SLC12A8: variants seen among roughly 807,000 people sequenced by gnomAD.
SLC12A8 encodes the protein cation-chloride cotransporter 9.
Under a neutral mutation model 75.6 loss-of-function variants are expected in SLC12A8, and 69 were observed. The ratio of observed to expected loss-of-function variants is 0.91; its 90% CI spans 0.75 to 1.11. The LOEUF is 1.11. Ranked by LOEUF, SLC12A8 falls within the 50% of genes most tolerant of loss-of-function variation. The probability of loss-of-function intolerance (pLI) is 0.00; values close to 1 mark genes in which losing one functional copy is unlikely to be tolerated. For synonymous variants in SLC12A8, 365 were observed against 372.8 expected, an observed-to-expected ratio of 0.98 and a Z score of 0.24; for missense variants, 877 against 896.7, an observed-to-expected ratio of 0.98 and a Z score of 0.28.
intron 5 of SLC12A8, among the ~76,000 whole-genome samples, chr3:125,156,952 T>C (rs1190633956): frequency 6.6e-6 from 1 of 152,246 alleles, no homozygotes; most frequent in Non-Finnish European, 1.5e-5. Context: ...AACTTATTTC[T>C]GGTTATTTTG....
intron 5 of SLC12A8, among the ~76,000 whole-genome samples, chr3:125,176,528 T>C (rs1000442586): frequency 6.6e-6 from 1 of 151,732 alleles, no homozygotes; most frequent in Non-Finnish European, 1.5e-5. Flanking sequence ...ACCATCAGAG[T>C]GAACAGGCAA....
chr3:125,174,092 A>G (rs1934469253), intron 5 of SLC12A8, among the ~76,000 whole-genome samples: 1 of 152,180 alleles, frequency 6.6e-6, no homozygotes, highest in Non-Finnish European at 1.5e-5. Flanking sequence ...ACCCTGTCTC[A>G]AAACAGAACA....
chr3:125,208,495 C>T (rs897825306), intron 2 of SLC12A8, among the ~76,000 whole-genome samples: 1 of 152,074 alleles, frequency 6.6e-6, no homozygotes, highest in Non-Finnish European at 1.5e-5. Context: ...GACCAGGAAC[C>T]AAGCACTATA....
intron 5 of SLC12A8, among the ~76,000 whole-genome samples, chr3:125,157,854 T>C (rs558632872): frequency 6.6e-6 from 1 of 152,306 alleles, no homozygotes; most frequent in East Asian, 1.9e-4. Context: ...ATGGTGATTG[T>C]TTGGTTAGGG....
chr3:125,091,666 C>T, intron 11 of SLC12A8, 110 bp from the exon 12 acceptor site: 1 of 756,326 alleles, frequency 1.3e-6, no homozygotes, highest in Non-Finnish European at 2.3e-6. Flanking sequence ...AACTTCTGAT[C>T]ACTGTAAAAG....
intron 5 of SLC12A8, among the ~76,000 whole-genome samples, chr3:125,139,657 TG>T (rs1298492976): frequency 1.3e-5 from 2 of 151,940 alleles, no homozygotes; most frequent in Non-Finnish European, 2.9e-5. Context: ...TTATGCAGAG[TG>T]GGTGCCCAGG....
chr3:125,186,075 TG>T (rs1210107200), intron 4 of SLC12A8, among the ~76,000 whole-genome samples: 1 of 152,134 alleles, frequency 6.6e-6, no homozygotes, highest in African/African-American at 2.4e-5. Flanking sequence ...GAGGCTCACT[TG>T]GTGTCTGTAC....
chr3:125,141,289 G>A (rs1031256389), intron 5 of SLC12A8, among the ~76,000 whole-genome samples: 1 of 152,218 alleles, frequency 6.6e-6, no homozygotes, highest in African/African-American at 2.4e-5. Context: ...CCGGAATTCG[G>A]GTAATTCAGG....
intron 13 of SLC12A8, among the ~76,000 whole-genome samples, chr3:125,087,093 C>CTTTTT (rs369422119): frequency 7.6e-6 from 1 of 131,260 alleles, no homozygotes; most frequent in Non-Finnish European, 1.6e-5. Context: ...ATGTATTTCA[C>CTTTTT]TTTTTTTTTT....
At chr3:125,091,627 T>C (rs1938585038) in intron 11 of SLC12A8, 71 bp from the exon 12 acceptor site, 2 of 970,016 alleles carry the variant, frequency 2.1e-6, no homozygotes, top group Non-Finnish European at 1.7e-6. Context: ...ACAAGGCTAA[T>C]GTCTTCAGCA....
intron 5 of SLC12A8, among the ~76,000 whole-genome samples, chr3:125,170,682 AGGC>A (rs1217778034): frequency 6.6e-6 from 1 of 152,224 alleles, no homozygotes; most frequent in East Asian, 1.9e-4. Context: ...TGGGAGGCTG[AGGC>A]GGGCAGATCA....
intron 8 of SLC12A8, among the ~76,000 whole-genome samples, chr3:125,113,903 T>C (rs11714323): frequency 0.15 from 22,305 of 152,248 alleles, 2,017 homozygotes; most frequent in Middle Eastern, 0.31. Flanking sequence ...GGCTGCTCTC[T>C]TCTCTCAAAG....
intron 6 of SLC12A8, among the ~76,000 whole-genome samples, chr3:125,125,035 G>C (rs552501772): frequency 6.6e-6 from 1 of 151,930 alleles, no homozygotes; most frequent in East Asian, 1.9e-4. Flanking sequence ...CTATTGTAGT[G>C]CCTATAATAT....
At chr3:125,128,673 C>T (rs1271112942) in intron 6 of SLC12A8, among the ~76,000 whole-genome samples, 1 of 152,142 alleles carries the variant, frequency 6.6e-6, no homozygotes, top group Non-Finnish European at 1.5e-5. Context: ...CCTGTTTCTG[C>T]CCATAAGTCC....
At position 125,193,515 on chromosome 3, in the gene SLC12A8, G is replaced by T. The variant is rs571706127; in HGVS notation, c.52-2994C>A. 1.2e-4 allele frequency among the ~76,000 whole-genome samples: 19 copies of T among 152,366 alleles called. 1 individual carries two copies. The Middle Eastern group carries it at 0.014, about 109-fold the overall frequency. ...AGGACTGGCTGGAGAACTCAAAGCA[G>T]CTCCCTTGCGTCGTGAGAGCTCTTG... On this transcript the variant is annotated intron_variant, in intron 2 of 13. Transcript: ENST00000469902.
chr3:125,120,997 G>A, intron 6 of SLC12A8: 1 of 653,858 alleles, frequency 1.5e-6, no homozygotes, highest in East Asian at 2.7e-5. Context: ...GCACACAGAG[G>A]TCCTGCGCTG....
chr3:125,101,139 G>A lies in SLC12A8; in HGVS notation c.1705+6342C>T, dbSNP rs374368643. Among the ~76,000 whole-genome samples, 32 of 152,128 alleles carry A rather than the reference G, an allele frequency of 2.1e-4. No individual in the cohort carries two copies. In the South Asian group the frequency reaches 3.9e-3, roughly 19 times the overall value. On this transcript the variant is annotated intron_variant, in intron 10 of 13. Coordinates refer to ENST00000469902, the MANE Select transcript of SLC12A8 (RefSeq NM_024628.6). ...CATACACACTGTGTAGTGGTTAAGA[G>A]CACAGGTTTGACAGTCAGATTGACC...
intron 2 of SLC12A8, among the ~76,000 whole-genome samples, chr3:125,203,494 C>T (rs749551802): frequency 6.6e-6 from 1 of 152,164 alleles, no homozygotes; most frequent in Non-Finnish European, 1.5e-5. Flanking sequence ...GGGGAAAGGA[C>T]ACCCTCTTCA....
At chr3:125,119,064 GT>G (rs1243433523) in intron 7 of SLC12A8, 2 of 456,818 alleles carry the variant, frequency 4.4e-6, no homozygotes, top group Non-Finnish European at 8.0e-6. Context: ...GGGTACCATT[GT>G]TTTGTTTCTT....
Sources: gnomAD v4.1 joint callset for allele counts (sites outside exome capture counted in the v4.1 genomes callset) on GRCh38, gnomAD v4.1.1 for gene constraint, MANE v1.5 for transcripts, NCBI Gene and HGNC (gene_info 2026-07-23, HGNC 2026-07-21) for gene names.